The following DENND2B variants were observed in gnomAD, a reference collection of about 807,000 sequenced individuals.
DENND2B encodes the protein DENN domain-containing protein 2B.
DENND2B carries 32 observed loss-of-function variants against 116.0 expected under a neutral mutation model. That is an observed-to-expected ratio of 0.28 (90% CI 0.21 to 0.37). The LOEUF (loss-of-function observed/expected upper bound fraction) is 0.37, where lower values mean the gene tolerates loss of function less well. Among genes scored for constraint, DENND2B ranks in the 10% least tolerant of loss-of-function variants. The pLI is 1.00. For synonymous variants in DENND2B, 588 were observed against 583.9 expected (o/e 1.01, Z -0.10); for missense variants, 1,276 against 1,477.7 (o/e 0.86, Z 2.24).
intron 9 of DENND2B, chr11:8,711,985 G>C (rs1266643182): frequency 4.4e-6 from 2 of 455,850 alleles, no homozygotes; most frequent in African/African-American, 4.0e-5. Flanking sequence ...AGCAGAGCCT[G>C]AGAAATGAGA....
Position 8,731,068 on chromosome 11 carries a change from A to G in DENND2B, c.222T>C (p.Ala74=), listed in dbSNP as rs1565765315. ...RVLLKDRHPP[A]PSPQNPQDPS... is the part of the protein sequence containing the mutation. Reference sequence around the variant, plus strand: ...GATCTTGAGGATTCTGGGGTGAAGGAGCTGGGGGGTGCCGGTCCTTGAGGA... The same window carrying G: ...GATCTTGAGGATTCTGGGGTGAAGGGGCTGGGGGGTGCCGGTCCTTGAGGA... The change falls in exon 3 of 20, where the codon GCT becomes GCC. Residue 74 remains alanine, a synonymous_variant. Transcript: ENST00000313726. The G allele has an allele frequency of 6.2e-7, 1 of 1,613,178 alleles. No individual in the cohort carries two copies. The highest frequency in any genetic ancestry group is 1.1e-5 in the South Asian group (1 of 91,046).
upstream of DENND2B, chr11:8,810,765 G>A (rs1030695983): frequency 6.6e-6 from 1 of 151,756 alleles, no homozygotes. Context: ...TCTTGGCCTA[G>A]CGCGTGCACA....
rs187717097 is a variant in DENND2B, at chr11:8,788,858, C to T, written c.-26+21659G>A. Among the ~76,000 whole-genome samples, 388 of 152,324 alleles carry T rather than the reference C, an allele frequency of 2.5e-3. 4 individuals are homozygous for T. The highest frequency in any genetic ancestry group is 6.8e-3 in the Middle Eastern group (2 of 294). On this transcript the variant is annotated intron_variant, in intron 1 of 19. Coordinates refer to ENST00000313726, the MANE Select transcript of DENND2B (RefSeq NM_213618.2). ...CAGCTGCTCTCTGAACTTGGCCAGG[C>T]CTCTGTTCCCTTAGGCCTTTTTCCT...
chr11:8,806,178 T>C (rs1231582191), intron 1 of DENND2B, among the ~76,000 whole-genome samples: 1 of 152,194 alleles, frequency 6.6e-6, no homozygotes, highest in East Asian at 1.9e-4. Flanking sequence ...CTGCCTCAGA[T>C]CTTGTCTCCC....
chr11:8,700,564 G>A (rs917583703), intron 14 of DENND2B, among the ~76,000 whole-genome samples: 9 of 152,122 alleles, frequency 5.9e-5, no homozygotes, highest in African/African-American at 1.4e-4. Context: ...AAATACCCCA[G>A]GGATTCAGGA....
At chr11:8,758,906 C>T (rs1402636200) in intron 1 of DENND2B, among the ~76,000 whole-genome samples, 3 of 152,226 alleles carry the variant, frequency 2.0e-5, no homozygotes, top group Admixed American at 1.3e-4. Flanking sequence ...CACACAAAAC[C>T]TCCTGGACGG....
intron 1 of DENND2B, among the ~76,000 whole-genome samples, chr11:8,889,603 C>A (rs2064002402): frequency 6.6e-6 from 1 of 152,262 alleles, no homozygotes; most frequent in Non-Finnish European, 1.5e-5. Flanking sequence ...ATATCCCGCA[C>A]ATGGCTCGGA....
At chr11:8,790,099 A>T (rs1046925652) in intron 1 of DENND2B, among the ~76,000 whole-genome samples, 4 of 152,098 alleles carry the variant, frequency 2.6e-5, no homozygotes, top group Non-Finnish European at 4.4e-5. Flanking sequence ...CACACTCTAC[A>T]CTTACAGCTT....
At chr11:8,870,883 G>C (rs1031557543) in intron 2 of DENND2B, 1 of 152,248 alleles carries the variant, frequency 6.6e-6, no homozygotes, top group Non-Finnish European at 1.5e-5. Flanking sequence ...AGAGGGAAAA[G>C]GGCTGGGAGG....
intron 1 of DENND2B, among the ~76,000 whole-genome samples, chr11:8,775,154 T>G (rs1406632050): frequency 2.6e-5 from 4 of 152,122 alleles, no homozygotes; most frequent in Admixed American, 6.5e-5. Context: ...GGGCTGAGAT[T>G]ACAGACGTGG....
At chr11:8,839,678 G>A (rs76419680) in intron 3 of DENND2B, among the ~76,000 whole-genome samples, 2 of 152,074 alleles carry the variant, frequency 1.3e-5, no homozygotes, top group Non-Finnish European at 2.9e-5. Context: ...GAAGAGGGAA[G>A]GAAAAAACCT....
chr11:8,723,047 T>G (rs1347044477), intron 4 of DENND2B, among the ~76,000 whole-genome samples: 1 of 152,086 alleles, frequency 6.6e-6, no homozygotes, highest in Admixed American at 6.5e-5. Flanking sequence ...AAGAGAGTCC[T>G]CCCTAATGAG....
chr11:8,756,533 G>A (rs189094189), intron 1 of DENND2B, among the ~76,000 whole-genome samples: 7 of 152,306 alleles, frequency 4.6e-5, no homozygotes, highest in Non-Finnish European at 7.3e-5. Context: ...CCTCACAGGG[G>A]CGCACTAGGT....
chr11:8,900,608 AAAAG>A (rs1341843615), intron 1 of DENND2B, among the ~76,000 whole-genome samples: 1 of 151,822 alleles, frequency 6.6e-6, no homozygotes, highest in Non-Finnish European at 1.5e-5. Flanking sequence ...CAAAAAAAAA[AAAAG>A]AAAGAAGTAG....
intron 1 of DENND2B, among the ~76,000 whole-genome samples, chr11:8,755,997 C>T (rs1362311415): frequency 1.3e-5 from 2 of 152,214 alleles, no homozygotes; most frequent in Admixed American, 6.5e-5. Flanking sequence ...AACCTCTGGA[C>T]ATTTTCTCAG....
In DENND2B at chr11:8,712,461, A is replaced by G; in HGVS notation, c.2172+90T>C. On this transcript the variant is annotated intron_variant, in intron 9 of 19. Coordinates refer to ENST00000313726, the MANE Select transcript of DENND2B (RefSeq NM_213618.2). The surrounding 1 kb of genome is among the most constrained non-coding windows in gnomAD (Gnocchi z 4.4). Reference sequence around the variant, plus strand: ...GCAGCTCGGTGAGGACGTATGACGAACAAGATCTCTCTCCTTCCCCAGATA... The same window carrying G: ...GCAGCTCGGTGAGGACGTATGACGAGCAAGATCTCTCTCCTTCCCCAGATA... 1 of 1,401,024 alleles carries G rather than the reference A, an allele frequency of 7.1e-7. No individual in the cohort carries two copies. 86.8% of individuals were successfully genotyped at this position (1,401,024 alleles called of 1,614,324 possible). A position where few individuals can be genotyped will look rare whatever the true frequency, so the allele number is the denominator to read the frequency against.
In DENND2B at chr11:8,844,904, C is replaced by A. The variant is rs76121788; in HGVS notation, c.-155-5554G>T. 3.3e-3 allele frequency among the ~76,000 whole-genome samples: 496 copies of A among 152,020 alleles called. 24 individuals are homozygous for A. In the East Asian group the frequency reaches 0.075, roughly 23 times the overall value. On this transcript the variant is annotated intron_variant, in intron 3 of 6. Transcript: ENST00000524757. ...TGCCCACCACATTGCTCAGCTAATT[C>A]TTTCTATTTTTTATTTTTGTAGGAA...
intron 2 of DENND2B, among the ~76,000 whole-genome samples, chr11:8,863,145 G>A (rs564960375): frequency 6.3e-4 from 96 of 151,466 alleles, no homozygotes; most frequent in African/African-American, 2.2e-3. Context: ...GGGGGACCCC[G>A]TCTCTAAAAA....
At position 8,712,859 on chromosome 11, in the gene DENND2B, C is replaced by G; in HGVS notation, c.1988-124G>C. ...GTACGTGAGCCTAGTCTGATACCAT[C>G]CCCAGCTCACAGTGCAGGAGGACCG... On this transcript the variant is annotated intron_variant, in intron 8 of 19. Coordinates refer to ENST00000313726, the MANE Select transcript of DENND2B (RefSeq NM_213618.2). The surrounding 1 kb of genome is among the most constrained non-coding windows in gnomAD (Gnocchi z 4.4). The G allele has an allele frequency of 3.0e-6, 3 of 1,011,702 alleles. No homozygotes were observed. The Admixed American group carries it at 8.3e-5, about 28-fold the overall frequency. The allele number at this position is 1,011,702 out of a possible 1,614,324, so 62.7% of individuals were successfully genotyped here.
Sources: allele counts gnomAD v4.1 joint callset (sites outside exome capture counted in the v4.1 genomes callset), GRCh38; gene constraint gnomAD v4.1.1; non-coding constraint Gnocchi (gnomAD v3.1); transcripts MANE v1.5; gene names NCBI Gene and HGNC (gene_info 2026-07-23, HGNC 2026-07-21).